ZNF480: variants seen among roughly 807,000 people sequenced by gnomAD.
The protein encoded by ZNF480 is zinc finger protein 480.
Under a neutral mutation model 14.4 loss-of-function variants are expected in ZNF480, and 15 were observed. The observed-to-expected ratio is 1.04, with a 90% CI of 0.70 to 1.60. The LOEUF is 1.60. ZNF480 is among the 40% of genes most tolerant of loss of function. The pLI, the probability that ZNF480 is intolerant of heterozygous loss-of-function variation, is 0.00. For synonymous variants in ZNF480, 218 were observed against 215.5 expected (o/e 1.01, Z -0.10); for missense variants, 593 against 629.7 (o/e 0.94, Z 0.62).
At chr19:52,302,015 G>A (rs1370929242) in intron 2 of ZNF480, 3 of 188,114 alleles carry the variant, frequency 1.6e-5, no homozygotes, top group South Asian at 1.0e-4. Flanking sequence ...TGTCAGTCTC[G>A]ACATGGCTGC....
chr19:52,308,423 C>T (rs1031392913), intron 2 of ZNF480, among the ~76,000 whole-genome samples: 1 of 150,608 alleles, frequency 6.6e-6, no homozygotes. Context: ...TCTTGTGCCT[C>T]AGTGTCCCGA....
chr19:52,310,750 C>G lies in ZNF480; in HGVS notation c.73-3403C>G, dbSNP rs868387246. Among the ~76,000 whole-genome samples the G allele has an allele frequency of 2.0e-5, 3 of 151,816 alleles. No individual in the cohort carries two copies. In the South Asian group the frequency reaches 6.2e-4, roughly 32 times the overall value. On this transcript the variant is annotated intron_variant, in intron 2 of 4. Coordinates refer to ENST00000595962, the MANE Select transcript of ZNF480 (RefSeq NM_144684.4). ...TCATGGTGGCTCATGCCTGTAATCC[C>G]AGCACTTTGGGAGGCCGAGGCGGGT...
chr19:52,314,294 C>T lies in ZNF480; in HGVS notation c.199+15C>T, dbSNP rs751172353. 18 of 1,512,318 alleles carry T rather than the reference C, an allele frequency of 1.2e-5. No individual in the cohort carries two copies. Among genetic ancestry groups the T allele is most frequent in the Non-Finnish European group, 1.3e-5 (15 of 1,122,822 alleles). The allele number at this position is 1,512,318 out of a possible 1,614,324, so 93.7% of individuals were successfully genotyped here. A position where few individuals can be genotyped will look rare whatever the true frequency, so the allele number is the denominator to read the frequency against. On this transcript the variant is annotated intron_variant, in intron 3 of 4. Transcript: ENST00000595962. ...GGTCTCCCTGGGTGAGGATCATGCC[C>T]CTGCAGAAGCCGGGATCTGCCCTTG... is the stretch of plus-strand genomic sequence containing the variant.
chr19:52,304,748 C>T (rs1982848632), intron 2 of ZNF480, among the ~76,000 whole-genome samples: 1 of 152,024 alleles, frequency 6.6e-6, no homozygotes, highest in South Asian at 2.1e-4. Flanking sequence ...GGAATGAACG[C>T]TTGTGCTCCC....
At chr19:52,302,769 G>A (rs1982756804) in intron 2 of ZNF480, among the ~76,000 whole-genome samples, 2 of 152,224 alleles carry the variant, frequency 1.3e-5, no homozygotes, top group African/African-American at 2.4e-5. Context: ...TTGGCAAGTT[G>A]CGCATTGCTG....
intron 2 of ZNF480, among the ~76,000 whole-genome samples, chr19:52,303,340 A>C (rs911877668): frequency 1.3e-5 from 2 of 152,202 alleles, no homozygotes; most frequent in Admixed American, 6.5e-5. Context: ...AGTGATTATT[A>C]AGCACTCCCA....
At chr19:52,316,215 T>C (rs1165512869) in intron 4 of ZNF480, among the ~76,000 whole-genome samples, 1 of 151,448 alleles carries the variant, frequency 6.6e-6, no homozygotes, top group Non-Finnish European at 1.5e-5. Context: ...TTTCTTTCTT[T>C]CTTTCTTCCT....
At chr19:52,297,493 T>C (rs539565873) in intron 1 of ZNF480, among the ~76,000 whole-genome samples, 1 of 151,724 alleles carries the variant, frequency 6.6e-6, no homozygotes, top group Non-Finnish European at 1.5e-5. Context: ...CAGTGATGCT[T>C]ACATCCGCCC....
At chr19:52,310,172 C>T (rs760013904) in intron 2 of ZNF480, among the ~76,000 whole-genome samples, 1 of 152,112 alleles carries the variant, frequency 6.6e-6, no homozygotes, top group Non-Finnish European at 1.5e-5. Flanking sequence ...TCTCATGCCT[C>T]AGCCTCACAA....
At chr19:52,308,973 A>G (rs1983134254) in intron 2 of ZNF480, among the ~76,000 whole-genome samples, 1 of 152,134 alleles carries the variant, frequency 6.6e-6, no homozygotes, top group Admixed American at 6.6e-5. Context: ...TGACATGTAA[A>G]TAATTGTTAT....
intron 2 of ZNF480, among the ~76,000 whole-genome samples, chr19:52,312,274 C>A (rs1263049074): frequency 1.3e-5 from 2 of 151,944 alleles, no homozygotes; most frequent in African/African-American, 4.8e-5. Context: ...GATTCTCCTG[C>A]CTCAGCCTCC....
At chr19:52,302,241 G>A (rs1982729093) in intron 2 of ZNF480, 1 of 161,246 alleles carries the variant, frequency 6.2e-6, no homozygotes, top group Non-Finnish European at 1.3e-5. Flanking sequence ...CTTTGCCGCT[G>A]ATTTCTGTAA....
At position 52,323,068 on chromosome 19, in the gene ZNF480, T is replaced by C. The variant is rs905900299; in HGVS notation, c.*210T>C. On this transcript the variant is annotated 3_prime_UTR_variant, in exon 5 of 5. Coordinates refer to ENST00000595962, the MANE Select transcript of ZNF480 (RefSeq NM_144684.4). ...TGTGTGGAAAAGTCTTCAAAAAAAT[T>C]TCACACCTTGCAAAAGGAGATCTAA... 9 of 425,182 alleles carry C rather than the reference T, an allele frequency of 2.1e-5. No individual in the cohort carries two copies. The highest frequency in any genetic ancestry group is 1.8e-4 in the African/African-American group (9 of 48,750). The allele number at this position is 425,182 out of a possible 1,614,324, so 26.3% of individuals were successfully genotyped here.
chr19:52,324,753 C>G lies in ZNF480; in HGVS notation c.*1895C>G, dbSNP rs1984011591. 1.3e-5 allele frequency: 2 copies of G among 152,130 alleles called. No homozygotes were observed. 9.4% of individuals were successfully genotyped at this position (152,130 alleles called of 1,614,324 possible). A position where few individuals can be genotyped will look rare whatever the true frequency, so the allele number is the denominator to read the frequency against. On this transcript the variant is annotated 3_prime_UTR_variant, in exon 5 of 5. Transcript: ENST00000595962. ...TATGCAGGATATTGAAACTGGACCC[C>G]TATCCTTCACGATATACAAAAATCA...
At chr19:52,299,971 T>C (rs73934407) in intron 1 of ZNF480, among the ~76,000 whole-genome samples, 7,043 of 152,328 alleles carry the variant, frequency 0.046, 167 homozygotes, top group Middle Eastern at 0.082. Context: ...TGGGACATCT[T>C]CCCCATGGAT....
At chr19:52,307,469 C>A (rs1016438357) in intron 2 of ZNF480, 1 of 152,210 alleles carries the variant, frequency 6.6e-6, no homozygotes, top group African/African-American at 2.4e-5. Flanking sequence ...GGTGACCCTT[C>A]GACAAGGGTT....
In ZNF480 at chr19:52,321,633, T is replaced by G. The variant is rs549595230; in HGVS notation, c.383T>G (p.Leu128Arg). The G allele has an allele frequency of 6.2e-7, 1 of 1,610,046 alleles. No homozygotes were observed. Among genetic ancestry groups the G allele is most frequent in the African/African-American group, 1.3e-5 (1 of 74,910 alleles). Residue 128 changes from leucine (L) to arginine (R), a missense_variant, in exon 5 of 5, where the codon CTT becomes CGT. Coordinates refer to ENST00000595962, the MANE Select transcript of ZNF480 (RefSeq NM_144684.4). ...GAAGACAAACCAATTAAAAAACAAC[T>G]TGGAGTATCCTTTCACTTACATCTG... ...NAEDKPIKKQ[L>R]GVSFHLHLSE... is the part of the protein sequence containing the mutation.
At chr19:52,310,098 C>T (rs1276570120) in intron 2 of ZNF480, among the ~76,000 whole-genome samples, 1 of 151,836 alleles carries the variant, frequency 6.6e-6, no homozygotes, top group Admixed American at 6.6e-5. Flanking sequence ...CTCTGTCACC[C>T]AGGCTGGGGT....
chr19:52,303,998 T>C (rs1213365900), intron 2 of ZNF480, among the ~76,000 whole-genome samples: 1 of 152,210 alleles, frequency 6.6e-6, no homozygotes, highest in African/African-American at 2.4e-5. Context: ...ATCATAATAT[T>C]GGAGTAATAT....
Sources: allele counts gnomAD v4.1 joint callset (sites outside exome capture counted in the v4.1 genomes callset), GRCh38; gene constraint gnomAD v4.1.1; transcripts MANE v1.5; gene names NCBI Gene and HGNC (gene_info 2026-07-23, HGNC 2026-07-21).